CTNNA2: variants seen among roughly 807,000 people sequenced by gnomAD.
The protein encoded by CTNNA2 is catenin alpha 2.
CTNNA2 carries 42 observed loss-of-function variants against 101.0 expected under a neutral mutation model. That is an observed-to-expected ratio of 0.42 (90% CI 0.32 to 0.54). The LOEUF (loss-of-function observed/expected upper bound fraction) is 0.54. CTNNA2 is among the 20% of genes least tolerant of loss of function. The pLI, the probability that CTNNA2 is intolerant of heterozygous loss-of-function variation, is 0.14. For synonymous variants in CTNNA2, 450 were observed against 456.4 expected, an observed-to-expected ratio of 0.99 and a Z score of 0.18; for missense variants, 871 against 1,223.1, an observed-to-expected ratio of 0.71 and a Z score of 4.29.
chr2:79,886,756 A>G (rs1683909258), intron 6 of CTNNA2, among the ~76,000 whole-genome samples: 1 of 140,458 alleles, frequency 7.1e-6, no homozygotes, highest in African/African-American at 2.7e-5. Context: ...ATCTCAAAAA[A>G]AAAAAAAAAA....
At chr2:79,842,958 G>C (rs955782733) in intron 3 of CTNNA2, among the ~76,000 whole-genome samples, 3 of 152,160 alleles carry the variant, frequency 2.0e-5, no homozygotes, top group Non-Finnish European at 2.9e-5. Flanking sequence ...TAATCTCAAA[G>C]AGATCCACAC....
At chr2:80,515,905 C>T (rs1689071600) in intron 9 of CTNNA2, among the ~76,000 whole-genome samples, 1 of 152,150 alleles carries the variant, frequency 6.6e-6, no homozygotes, top group Admixed American at 6.5e-5. Context: ...CAAAAACTTG[C>T]CCAAATCCAG....
At chr2:79,319,267 G>C (rs766432779) in intron 3 of CTNNA2, among the ~76,000 whole-genome samples, 43 of 152,128 alleles carry the variant, frequency 2.8e-4, no homozygotes, top group Non-Finnish European at 5.3e-4. Context: ...CAGGTCCTCA[G>C]CACCCTACTG....
chr2:80,646,670 C>T (rs1033415392), intron 18 of CTNNA2, among the ~76,000 whole-genome samples: 1 of 151,888 alleles, frequency 6.6e-6, no homozygotes, highest in Admixed American at 6.6e-5. Flanking sequence ...ACATACCACA[C>T]TAACTACTTA....
At chr2:80,376,019 T>C (rs1289491821) in intron 7 of CTNNA2, among the ~76,000 whole-genome samples, 1 of 152,182 alleles carries the variant, frequency 6.6e-6, no homozygotes, top group Non-Finnish European at 1.5e-5. Context: ...GTTCCTGCTT[T>C]GGATCCACCA....
At chr2:79,801,727 C>T (rs1490547975) in intron 3 of CTNNA2, among the ~76,000 whole-genome samples, 1 of 152,108 alleles carries the variant, frequency 6.6e-6, no homozygotes, top group Non-Finnish European at 1.5e-5. Context: ...CATGGTGGCT[C>T]ATGCCTGTAA....
chr2:80,205,537 T>G (rs1707480174), intron 7 of CTNNA2, among the ~76,000 whole-genome samples: 1 of 152,212 alleles, frequency 6.6e-6, no homozygotes, highest in Non-Finnish European at 1.5e-5. Flanking sequence ...AAAATTTCCC[T>G]GAAAACTGAA....
chr2:80,424,592 A>G (rs948335428), intron 9 of CTNNA2, among the ~76,000 whole-genome samples: 6 of 152,310 alleles, frequency 3.9e-5, no homozygotes, highest in Non-Finnish European at 7.4e-5. Context: ...CCATTTCATT[A>G]CAATCAAAGA....
intron 7 of CTNNA2, among the ~76,000 whole-genome samples, chr2:79,985,399 C>T (rs7601484): frequency 0.032 from 4,909 of 152,230 alleles, 246 homozygotes; most frequent in African/African-American, 0.11. Flanking sequence ...TCCCTACAGT[C>T]ATTAGGTGCC....
At chr2:79,812,072 A>G (rs1032617706) in intron 3 of CTNNA2, among the ~76,000 whole-genome samples, 2 of 152,202 alleles carry the variant, frequency 1.3e-5, no homozygotes, top group Non-Finnish European at 2.9e-5. Context: ...GTATGCATGT[A>G]TGCGTGAATT....
At chr2:79,817,673 A>G (rs1378463974) in intron 3 of CTNNA2, among the ~76,000 whole-genome samples, 1 of 152,190 alleles carries the variant, frequency 6.6e-6, no homozygotes, top group African/African-American at 2.4e-5. Flanking sequence ...GCCAAGGGCA[A>G]AACCTAGATC....
chr2:79,886,664 T>C (rs897602579), intron 6 of CTNNA2, among the ~76,000 whole-genome samples: 6 of 131,470 alleles, frequency 4.6e-5, no homozygotes, highest in Non-Finnish European at 6.2e-5. Flanking sequence ...GGTAGGAGAA[T>C]GGCATGAACC....
intron 3 of CTNNA2, among the ~76,000 whole-genome samples, chr2:79,333,916 G>A (rs913561789): frequency 7.2e-5 from 11 of 151,978 alleles, no homozygotes; most frequent in Admixed American, 1.3e-4. Context: ...TTGGTCATTC[G>A]TATGGTGTGG....
At chr2:80,553,237 A>T (rs35808051) in intron 11 of CTNNA2, among the ~76,000 whole-genome samples, 62,205 of 147,372 alleles carry the variant, frequency 0.42, 13,201 homozygotes, top group South Asian at 0.57. Context: ...AAAAAAAATA[A>T]AATAAAATAA....
At chr2:79,266,679 C>T (rs1206107236) in intron 2 of CTNNA2, among the ~76,000 whole-genome samples, 1 of 151,906 alleles carries the variant, frequency 6.6e-6, no homozygotes, top group East Asian at 1.9e-4. Flanking sequence ...TGGCATGCTG[C>T]CACATCAAAA....
At chr2:79,324,886 G>A (rs1039696281) in intron 3 of CTNNA2, among the ~76,000 whole-genome samples, 2 of 152,146 alleles carry the variant, frequency 1.3e-5, no homozygotes, top group Admixed American at 6.5e-5. Flanking sequence ...AACACTACCA[G>A]AAATGAAGAT....
chr2:79,819,277 C>G (rs1218970235), intron 3 of CTNNA2, among the ~76,000 whole-genome samples: 1 of 152,172 alleles, frequency 6.6e-6, no homozygotes, highest in East Asian at 1.9e-4. Flanking sequence ...CCATGCCCAG[C>G]CTTCTCCATT....
At chr2:79,678,496 C>T (rs1683338509) in intron 2 of CTNNA2, among the ~76,000 whole-genome samples, 2 of 150,972 alleles carry the variant, frequency 1.3e-5, no homozygotes, top group African/African-American at 4.9e-5. Flanking sequence ...GATCACACCA[C>T]TGCACTCCAG....
chr2:80,507,706 T>C (rs1688383176), intron 9 of CTNNA2, among the ~76,000 whole-genome samples: 2 of 152,286 alleles, frequency 1.3e-5, no homozygotes, highest in South Asian at 2.1e-4. Context: ...AATTTAGCAC[T>C]TAGACTGGGT....
Sources: allele counts gnomAD v4.1 joint callset (sites outside exome capture counted in the v4.1 genomes callset), GRCh38; gene constraint gnomAD v4.1.1; transcripts MANE v1.5; gene names NCBI Gene and HGNC (gene_info 2026-07-23, HGNC 2026-07-21).